FABP5: variants seen among roughly 807,000 people sequenced by gnomAD.
FABP5 encodes the protein fatty acid-binding protein 5.
In FABP5, 7 loss-of-function variants were observed where a neutral mutation model predicts 16.9. That is an observed-to-expected ratio of 0.41 (90% CI 0.24 to 0.78). FABP5 has a LOEUF of 0.78. Among genes scored for constraint, FABP5 ranks in the 30% least tolerant of loss-of-function variants. The probability of loss-of-function intolerance (pLI) is 0.30; values close to 1 mark genes in which losing one functional copy is unlikely to be tolerated. For synonymous variants in FABP5, 37 were observed against 52.8 expected (o/e 0.70, Z 1.30); for missense variants, 119 against 159.5 (o/e 0.75, Z 1.37).
intron 1 of FABP5, chr8:81,280,921 CACCCCGTGGTCCACCT>C: frequency 2.0e-6 from 1 of 503,196 alleles, no homozygotes; most frequent in Non-Finnish European, 3.6e-6. Flanking sequence ...GGAGGTGGTC[CACCCCGTGGTCCACCT>C]ACCTCTGCTT....
At position 81,281,705 on chromosome 8, in the gene FABP5, C is replaced by A; in HGVS notation, c.79+1031C>A. 1.0e-6 allele frequency: 1 copy of A among 974,492 alleles called. No individual in the cohort carries two copies. Among genetic ancestry groups the A allele is most frequent in the Non-Finnish European group, 1.2e-6 (1 of 819,968 alleles). The allele number at this position is 974,492 out of a possible 1,614,324, so 60.4% of individuals were successfully genotyped here. ...TCATTTCTCACTCAAAACAGTGCTT[C>A]ATTATAAATTACTGTCCTTTTCTAT... On this transcript the variant is annotated intron_variant, in intron 1 of 3. Coordinates refer to ENST00000297258, the MANE Select transcript of FABP5 (RefSeq NM_001444.3). This position sits in a 1 kb window ranked among gnomAD's most constrained non-coding sequence, Gnocchi z 4.5.
chr8:81,280,550 C>CG lies in FABP5; in HGVS notation c.-45dup. 6.5e-7 allele frequency: 1 copy of CG among 1,539,866 alleles called. No individual in the cohort carries two copies. The highest frequency in any genetic ancestry group is 2.0e-5 in the Admixed American group (1 of 50,562). On this transcript the variant is annotated 5_prime_UTR_variant, in exon 1 of 4. Coordinates refer to ENST00000297258, the MANE Select transcript of FABP5 (RefSeq NM_001444.3). ...CCGGGTGCCTCACAGCACGCTGCCA[C>CG]GCCGACGCAGACCCCTCTCTGCACG...
rs201120689 is a variant in FABP5 at position 81,283,957 on chromosome 8, G to T, written c.337G>T (p.Asp113Tyr). 1 of 1,608,624 alleles carries T rather than the reference G, an allele frequency of 6.2e-7. No individual in the cohort carries two copies. Among genetic ancestry groups the T allele is most frequent in the South Asian group, 1.1e-5 (1 of 90,574 alleles). ...AAGCACAATAACAAGAAAATTGAAA[G>T]ATGGGAAATTAGTGGTGGTAAGTGT... ...KESTITRKLKDGKLVVECVMN... is the reference protein window; with the variant it reads ...KESTITRKLKYGKLVVECVMN... Residue 113 changes from aspartate (D) to tyrosine (Y), a missense_variant, in exon 3 of 4, where the codon GAT becomes TAT. By Grantham distance (160) the Asp-to-Tyr change is radical. Coordinates refer to ENST00000297258, the MANE Select transcript of FABP5 (RefSeq NM_001444.3).
chr8:81,284,413 A>T (rs1375749957), intron 3 of FABP5, 101 bp from the exon 4 acceptor site: 1 of 756,202 alleles, frequency 1.3e-6, no homozygotes. Flanking sequence ...TATGAAGTAG[A>T]TTACGTGATT....
chr8:81,281,389 G>A lies in FABP5; in HGVS notation c.79+715G>A. On this transcript the variant is annotated intron_variant, in intron 1 of 3. Coordinates refer to ENST00000297258, the MANE Select transcript of FABP5 (RefSeq NM_001444.3). The surrounding 1 kb of genome is among the most constrained non-coding windows in gnomAD (Gnocchi z 4.5). ...CATGGAACACCAGGGCCCCCGAGAA[G>A]CGTGGCGCTGGCGGTGCCGACCTGC... 1 of 986,070 alleles carries A rather than the reference G, an allele frequency of 1.0e-6. No homozygotes were observed. Among genetic ancestry groups the A allele is most frequent in the South Asian group, 4.7e-5 (1 of 21,284 alleles). 61.1% of individuals were successfully genotyped at this position (986,070 alleles called of 1,614,324 possible).
In FABP5 at chr8:81,280,562, C is replaced by A. The variant is rs772705377; in HGVS notation, c.-34C>A. On this transcript the variant is annotated 5_prime_UTR_variant, in exon 1 of 4. Coordinates refer to ENST00000297258, the MANE Select transcript of FABP5 (RefSeq NM_001444.3). ...CAGCACGCTGCCACGCCGACGCAGA[C>A]CCCTCTCTGCACGCCAGCCCGCCCG... The A allele has an allele frequency of 6.5e-7, 1 of 1,545,290 alleles. No homozygotes were observed. Among genetic ancestry groups the A allele is most frequent in the Non-Finnish European group, 8.7e-7 (1 of 1,143,546 alleles).
At chr8:81,283,790 C>A (rs2131268967) in intron 2 of FABP5, 83 bp from the exon 3 acceptor site, 2 of 1,165,396 alleles carry the variant, frequency 1.7e-6, no homozygotes, top group Non-Finnish European at 2.5e-6. Flanking sequence ...GAAGGTGAAA[C>A]AAATGTTGAT....
chr8:81,283,296 A>G, intron 1 of FABP5, 70 bp from the exon 2 acceptor site: 1 of 1,286,516 alleles, frequency 7.8e-7, no homozygotes, highest in Non-Finnish European at 1.1e-6. Context: ...TTACAATGGA[A>G]TTATTGCTTT....
At position 81,281,862 on chromosome 8, in the gene FABP5, C is replaced by T. The variant is rs528716737; in HGVS notation, c.79+1188C>T. ...TCCTCTCTGGAAGGGAGCTTCCAGC[C>T]CTAAGGGATGGCTGGGATTTATGAG... On this transcript the variant is annotated intron_variant, in intron 1 of 3. Transcript: ENST00000297258. The surrounding 1 kb of genome is among the most constrained non-coding windows in gnomAD (Gnocchi z 4.5). Among the ~76,000 whole-genome samples the T allele has an allele frequency of 1.3e-5, 2 of 152,030 alleles. No individual in the cohort carries two copies. The highest frequency in any genetic ancestry group is 4.8e-5 in the African/African-American group (2 of 41,382).
At position 81,281,428 on chromosome 8, in the gene FABP5, G is replaced by T. The variant is rs898586678; in HGVS notation, c.79+754G>T. The T allele has an allele frequency of 1.7e-5, 17 of 986,002 alleles. No homozygotes were observed. The African/African-American group carries it at 2.6e-4, about 15-fold the overall frequency. 61.1% of individuals were successfully genotyped at this position (986,002 alleles called of 1,614,324 possible). A position where few individuals can be genotyped will look rare whatever the true frequency, so the allele number is the denominator to read the frequency against. On this transcript the variant is annotated intron_variant, in intron 1 of 3. Coordinates refer to ENST00000297258, the MANE Select transcript of FABP5 (RefSeq NM_001444.3). This position sits in a 1 kb window ranked among gnomAD's most constrained non-coding sequence, Gnocchi z 4.5. ...GTGCCGACCTGCTGCTGGCACTGCC[G>T]GGCCGGGGCGCCGCAGTGGGCGGGT...
chr8:81,282,825 G>T (rs571243793), intron 1 of FABP5, among the ~76,000 whole-genome samples: 1 of 152,200 alleles, frequency 6.6e-6, no homozygotes, highest in South Asian at 2.1e-4. Context: ...TATTTATCGA[G>T]AACATTTATA....
chr8:81,280,735 G>T, intron 1 of FABP5, 61 bp downstream of exon 1: 1 of 1,462,346 alleles, frequency 6.8e-7, no homozygotes, highest in South Asian at 1.2e-5. Flanking sequence ...TCTGTCCCTA[G>T]GTCCCCGTCA....
chr8:81,282,829 A>G (rs1047393752), intron 1 of FABP5, among the ~76,000 whole-genome samples: 1 of 152,190 alleles, frequency 6.6e-6, no homozygotes, highest in African/African-American at 2.4e-5. Context: ...TATCGAGAAC[A>G]TTTATATGCC....
intron 2 of FABP5, 82 bp downstream of exon 2, chr8:81,283,620 G>T (rs1160377549): frequency 7.3e-7 from 1 of 1,361,130 alleles, no homozygotes. Context: ...TTATAGGCAA[G>T]AACTTAATGA....
chr8:81,281,449 C>T lies in FABP5; in HGVS notation c.79+775C>T. 7 of 985,756 alleles carry T rather than the reference C, an allele frequency of 7.1e-6. No homozygotes were observed. Among genetic ancestry groups the T allele is most frequent in the African/African-American group, 1.7e-5 (1 of 57,270 alleles). The allele number at this position is 985,756 out of a possible 1,614,324, so 61.1% of individuals were successfully genotyped here. Reference sequence around the variant, plus strand: ...TGCCGGGCCGGGGCGCCGCAGTGGGCGGGTGGCCTGTGGGAGGAGCGCAAT... The same window carrying T: ...TGCCGGGCCGGGGCGCCGCAGTGGGTGGGTGGCCTGTGGGAGGAGCGCAAT... On this transcript the variant is annotated intron_variant, in intron 1 of 3. Transcript: ENST00000297258. This position sits in a 1 kb window ranked among gnomAD's most constrained non-coding sequence, Gnocchi z 4.5.
chr8:81,284,620 G>T lies in FABP5; in HGVS notation c.*53G>T, dbSNP rs1414088242. ...TTAATTAAGAGAATGACCAAGCTCA[G>T]TTCAATGAGCAAATCTCCATACTGT... On this transcript the variant is annotated 3_prime_UTR_variant, in exon 4 of 4. Transcript: ENST00000297258. 20 of 984,196 alleles carry T rather than the reference G, an allele frequency of 2.0e-5. No individual in the cohort carries two copies. The highest frequency in any genetic ancestry group is 3.2e-5 in the African/African-American group (2 of 62,578). The allele number at this position is 984,196 out of a possible 1,614,324, so 61.0% of individuals were successfully genotyped here.
intron 1 of FABP5, chr8:81,283,120 C>G (rs970113702): frequency 8.7e-6 from 3 of 343,490 alleles, no homozygotes; most frequent in Non-Finnish European, 1.6e-5. Flanking sequence ...ACTTCCGTGC[C>G]TCGCTTTCTC....
At chr8:81,283,996 C>G in intron 3 of FABP5, 22 bp downstream of exon 3, 2 of 1,525,630 alleles carry the variant, frequency 1.3e-6, no homozygotes, top group Non-Finnish European at 1.8e-6. Context: ...ACTGCTGTGT[C>G]TCAGTCAGCT....
Position 81,281,974 on chromosome 8 carries a change from G to A in FABP5, c.79+1300G>A, listed in dbSNP as rs936116003. Among the ~76,000 whole-genome samples the A allele has an allele frequency of 1.3e-5, 2 of 152,116 alleles. No individual in the cohort carries two copies. Among genetic ancestry groups the A allele is most frequent in the Non-Finnish European group, 2.9e-5 (2 of 68,018 alleles). ...CGTGACCCTCTATTGATACCTGGTC[G>A]CCGTGGCACTTCGGAATCACTCCTT... On this transcript the variant is annotated intron_variant, in intron 1 of 3. Coordinates refer to ENST00000297258, the MANE Select transcript of FABP5 (RefSeq NM_001444.3). This position sits in a 1 kb window ranked among gnomAD's most constrained non-coding sequence, Gnocchi z 4.5.
Sources: gnomAD v4.1 joint callset for allele counts (sites outside exome capture counted in the v4.1 genomes callset) on GRCh38, gnomAD v4.1.1 for gene constraint, Gnocchi (gnomAD v3.1) non-coding constraint, MANE v1.5 for transcripts, NCBI Gene and HGNC (gene_info 2026-07-23, HGNC 2026-07-21) for gene names.